UPRT: variants seen among roughly 807,000 people sequenced by gnomAD.
UPRT encodes the protein uracil phosphoribosyltransferase homolog.
In UPRT, 5 loss-of-function variants were observed where a neutral mutation model predicts 22.6. The ratio of observed to expected loss-of-function variants is 0.22; its 90% CI spans 0.12 to 0.47. UPRT has a LOEUF of 0.47. Among genes scored for constraint, UPRT ranks in the 20% least tolerant of loss-of-function variants. The pLI, the probability that UPRT is intolerant of heterozygous loss-of-function variation, is 0.99. For missense variants in UPRT, 181 were observed against 239.9 expected, an observed-to-expected ratio of 0.75 and a Z score of 1.62; for synonymous variants, 77 against 87.7, an observed-to-expected ratio of 0.88 and a Z score of 0.68.
intron 3 of UPRT, among the ~76,000 whole-genome samples, chrX:75,163,678 AC>A (rs1471757424): frequency 8.9e-6 from 1 of 112,365 alleles, no homozygotes; most frequent in Non-Finnish European, 1.9e-5. Flanking sequence ...AGTAGAAACA[AC>A]TTAAATGTTC....
chrX:75,281,172 T>G (rs2082655154), intron 1 of UPRT, among the ~76,000 whole-genome samples: 1 of 111,139 alleles, frequency 9.0e-6, no homozygotes, highest in Non-Finnish European at 1.9e-5. Context: ...TGGAGGAGCC[T>G]TTAGGGTTTT....
intron 4 of UPRT, among the ~76,000 whole-genome samples, chrX:75,231,959 C>T (rs966632989): frequency 4.5e-5 from 5 of 112,177 alleles, no homozygotes; most frequent in Non-Finnish European, 7.5e-5. Flanking sequence ...ATAGGAACAG[C>T]TCTGGTCTAC....
intron 4 of UPRT, among the ~76,000 whole-genome samples, chrX:75,243,736 T>C (rs1308897220): frequency 8.9e-6 from 1 of 111,939 alleles, no homozygotes; most frequent in Admixed American, 9.5e-5. Context: ...TTCTGTGGCA[T>C]TGAGAATAAG....
At chrX:75,228,680 CAAG>C (rs1363233611) in intron 4 of UPRT, among the ~76,000 whole-genome samples, 1 of 111,403 alleles carries the variant, frequency 9.0e-6, no homozygotes, top group Non-Finnish European at 1.9e-5. Flanking sequence ...GTTCTATAGG[CAAG>C]AAGAAGTAGC....
At chrX:75,209,522 G>A (rs185654377) in intron 4 of UPRT, among the ~76,000 whole-genome samples, 323 of 111,843 alleles carry the variant, frequency 2.9e-3, no homozygotes, top group Middle Eastern at 0.018. Context: ...ACAGGCATCC[G>A]CCACCATGCC....
rs948426757 is a variant in UPRT, at chrX:75,200,639, C to CT, written c.-447+32770dup. Among the ~76,000 whole-genome samples, 45 of 108,279 alleles carry CT rather than the reference C, an allele frequency of 4.2e-4. 1 individual carries two copies. The highest frequency in any genetic ancestry group is 7.9e-4 in the South Asian group (2 of 2,528). The allele number at this position is 108,279 out of a possible 115,157, so 94.0% of individuals were successfully genotyped here. On this transcript the variant is annotated intron_variant, in intron 4 of 13. Coordinates refer to the UPRT transcript ENST00000652605. ...TAAACAGAGTTTGAGTCACATCATTCTTTTTTTTTTCTTCCAAAACTCTGC... is the reference window on the plus strand; with the variant it reads ...TAAACAGAGTTTGAGTCACATCATTCTTTTTTTTTTTCTTCCAAAACTCTGC...
chrX:75,299,441 C>T (rs768098988), intron 4 of UPRT, among the ~76,000 whole-genome samples: 19 of 111,793 alleles, frequency 1.7e-4, no homozygotes, highest in Non-Finnish European at 3.6e-4. Context: ...GGGAGCTGCT[C>T]AACAAAATGC....
At chrX:75,289,095 G>A (rs2082694748) in intron 1 of UPRT, among the ~76,000 whole-genome samples, 1 of 110,868 alleles carries the variant, frequency 9.0e-6, no homozygotes, top group African/African-American at 3.3e-5. Flanking sequence ...ACAGGGCTGG[G>A]CATGGTGGCT....
intron 2 of UPRT, among the ~76,000 whole-genome samples, chrX:75,162,381 C>T (rs2147599598): frequency 9.0e-6 from 1 of 111,594 alleles, no homozygotes; most frequent in Non-Finnish European, 1.9e-5. Flanking sequence ...GGCATGTAGA[C>T]CCATGATAAA....
intron 4 of UPRT, among the ~76,000 whole-genome samples, chrX:75,233,134 A>G (rs1461442266): frequency 1.8e-5 from 2 of 111,915 alleles, no homozygotes; most frequent in Non-Finnish European, 3.8e-5. Flanking sequence ...AACTACGTGA[A>G]GAATGCAGAA....
At chrX:75,278,104 C>T (rs1235428577) in intron 1 of UPRT, among the ~76,000 whole-genome samples, 2 of 111,023 alleles carry the variant, frequency 1.8e-5, no homozygotes, top group Admixed American at 9.6e-5. Context: ...TGGAACTGTC[C>T]GATAATAGAA....
intron 4 of UPRT, among the ~76,000 whole-genome samples, chrX:75,180,681 G>GTTTTTTCTT (rs2082266159): frequency 2.3e-5 from 1 of 43,895 alleles, no homozygotes; most frequent in Non-Finnish European, 3.8e-5. Context: ...CCTTTTCTCT[G>GTTTTTTCTT]TTTTTTTTTT....
intron 4 of UPRT, among the ~76,000 whole-genome samples, chrX:75,252,041 C>T (rs1400038994): frequency 8.9e-6 from 1 of 112,243 alleles, no homozygotes; most frequent in Admixed American, 9.4e-5. Context: ...CCCTTCCTTA[C>T]ACCTTATACA....
rs777752134 is a variant in UPRT at position 75,294,621 on chromosome X, G to GT, written c.429+1108dup. 11 of 977,494 alleles carry GT rather than the reference G, an allele frequency of 1.1e-5. No individual in the cohort carries two copies. The African/African-American group carries it at 2.2e-4, about 19-fold the overall frequency. The allele number at this position is 977,494 out of a possible 1,213,427, so 80.6% of individuals were successfully genotyped here. The stretch of plus-strand genomic sequence containing the variant: ...GACAACTCCTGTTCTGCTTTTCATC[G>GT]TAAGTATTCTTGGTTCAGAGACCAA... On this transcript the variant is annotated intron_variant, in intron 2 of 6. Coordinates refer to ENST00000373383, the MANE Select transcript of UPRT (RefSeq NM_145052.4).
rs759066745 is a variant in UPRT, at chrX:75,297,498, G to A, written c.507G>A (p.Lys169=). The part of the protein sequence containing the change: ...ECMVTTPTGY[K]YEGVKFEKGN... The stretch of plus-strand genomic sequence containing the variant: ...GGTTTTATTTCCTAACAGGGTACAA[G>A]TATGAAGGAGTGAAATTTGAGAAGG... Residue 169 remains lysine (K), a synonymous_variant, in exon 4 of 7, where the codon AAG becomes AAA. Coordinates refer to ENST00000373383, the MANE Select transcript of UPRT (RefSeq NM_145052.4). The A allele has an allele frequency of 1.7e-6, 2 of 1,209,648 alleles. No homozygotes were observed. The highest frequency in any genetic ancestry group is 1.7e-5 in the African/African-American group (1 of 57,271).
intron 4 of UPRT, among the ~76,000 whole-genome samples, chrX:75,197,308 C>G (rs1179732448): frequency 9.0e-6 from 1 of 111,621 alleles, no homozygotes; most frequent in Non-Finnish European, 1.9e-5. Context: ...AGAATCAACA[C>G]AGATTAAGCT....
intron 5 of UPRT, 141 bp from the exon 6 acceptor site, chrX:75,300,726 G>C (rs1480084016): frequency 2.3e-5 from 10 of 431,559 alleles, no homozygotes; most frequent in Non-Finnish European, 7.8e-6. Flanking sequence ...GGTCAAGGCT[G>C]CAGTGGGCCG....
In UPRT at chrX:75,184,060, G is replaced by A. The variant is rs145768408; in HGVS notation, c.-447+16181G>A. 4.3e-4 allele frequency among the ~76,000 whole-genome samples: 48 copies of A among 111,548 alleles called. 1 individual carries two copies. The East Asian group carries it at 0.011, about 25-fold the overall frequency. ...CCATTTGTCAATTTTGGCTTTTGTT[G>A]CCATTGCTTTTGGTGTTTTAGACCT... On this transcript the variant is annotated intron_variant, in intron 4 of 13. Transcript: ENST00000652605.
chrX:75,192,265 G>A (rs1388352615), intron 4 of UPRT, among the ~76,000 whole-genome samples: 1 of 110,924 alleles, frequency 9.0e-6, no homozygotes, highest in Non-Finnish European at 1.9e-5. Context: ...TAATTGTCTG[G>A]TGTTGACTGA....
Sources: allele counts gnomAD v4.1 joint callset (sites outside exome capture counted in the v4.1 genomes callset), GRCh38; gene constraint gnomAD v4.1.1; transcripts MANE v1.5; gene names NCBI Gene and HGNC (gene_info 2026-07-23, HGNC 2026-07-21).